Variants in MTHFD2L observed in about 807,000 individuals in gnomAD.
The protein encoded by MTHFD2L is methylenetetrahydrofolate dehydrogenase (NADP+ dependent) 2 like, also known as bifunctional methylenetetrahydrofolate dehydrogenase/cyclohydrolase 2, mitochondrial.
MTHFD2L carries 29 observed loss-of-function variants against 34.9 expected under a neutral mutation model. The observed-to-expected ratio is 0.83, with a 90% CI of 0.62 to 1.13. The LOEUF (loss-of-function observed/expected upper bound fraction) is 1.13. Among genes scored for constraint, MTHFD2L ranks in the 50% most tolerant of loss-of-function variants. The pLI, the probability that MTHFD2L is intolerant of heterozygous loss-of-function variation, is 0.00. For missense variants in MTHFD2L, 481 were observed against 446.5 expected (o/e 1.08, Z -0.70); for synonymous variants, 167 against 155.7 (o/e 1.07, Z -0.54).
At chr4:74,121,800 C>G (rs1721777992), upstream of MTHFD2L, among the ~76,000 whole-genome samples, 1 of 150,932 alleles carries the variant, frequency 6.6e-6, no homozygotes, top group Non-Finnish European at 1.5e-5. Flanking sequence ...CTTGAATTAT[C>G]CCTAAAGCAT....
intron 6 of MTHFD2L, among the ~76,000 whole-genome samples, chr4:74,228,887 C>T (rs1739595116): frequency 6.6e-6 from 1 of 152,162 alleles, no homozygotes; most frequent in Non-Finnish European, 1.5e-5. Flanking sequence ...TATTTTCTTA[C>T]CACCAGAGGG....
At chr4:74,141,875 T>C (rs1397924244) in intron 1 of MTHFD2L, among the ~76,000 whole-genome samples, 1 of 152,192 alleles carries the variant, frequency 6.6e-6, no homozygotes, top group Admixed American at 6.5e-5. Flanking sequence ...CCATTATAGC[T>C]TAATTAGGAA....
chr4:74,125,711 T>C (rs558603953), intron 1 of MTHFD2L, among the ~76,000 whole-genome samples: 1 of 152,196 alleles, frequency 6.6e-6, no homozygotes, highest in Non-Finnish European at 1.5e-5. Flanking sequence ...GCTTTTTTAA[T>C]AATGGAAAAT....
chr4:74,122,214 G>T (rs1041380766), upstream of MTHFD2L, among the ~76,000 whole-genome samples: 1 of 152,128 alleles, frequency 6.6e-6, no homozygotes, highest in African/African-American at 2.4e-5. Context: ...ACTACCTGAG[G>T]CTGGGTAATT....
At chr4:74,175,487 G>A in intron 3 of MTHFD2L, 84 bp downstream of exon 3, 2 of 1,341,458 alleles carry the variant, frequency 1.5e-6, no homozygotes, top group Non-Finnish European at 2.0e-6. Flanking sequence ...GATACTGCAA[G>A]TAATTTATAA....
intron 1 of MTHFD2L, chr4:74,143,493 T>C (rs1419661525): frequency 5.2e-6 from 5 of 957,678 alleles, no homozygotes; most frequent in Non-Finnish European, 6.2e-6. Context: ...TCAGGGGCCA[T>C]GGATGGAAGG....
chr4:74,280,062 A>T (rs4694667), intron 6 of MTHFD2L, among the ~76,000 whole-genome samples: 2 of 152,124 alleles, frequency 1.3e-5, no homozygotes, highest in African/African-American at 4.8e-5. Flanking sequence ...CTTTTCCTGC[A>T]AGAGATCTAG....
intron 6 of MTHFD2L, among the ~76,000 whole-genome samples, chr4:74,229,122 T>C (rs1286980344): frequency 6.6e-6 from 1 of 152,150 alleles, no homozygotes; most frequent in Admixed American, 6.5e-5. Context: ...ATTTAGCCAA[T>C]GGGAAATTTA....
intron 1 of MTHFD2L, among the ~76,000 whole-genome samples, chr4:74,127,349 C>A (rs1476262663): frequency 6.6e-6 from 1 of 152,146 alleles, no homozygotes; most frequent in Non-Finnish European, 1.5e-5. Flanking sequence ...TGTCTTATTT[C>A]TTTCAATTAA....
chr4:74,180,591 G>A, intron 3 of MTHFD2L: 1 of 318,522 alleles, frequency 3.1e-6, no homozygotes, highest in Non-Finnish European at 7.1e-6. Context: ...GAGTTTCCAT[G>A]CATCTCATTT....
intron 1 of MTHFD2L, among the ~76,000 whole-genome samples, chr4:74,144,628 ATACTT>A (rs1723475575): frequency 6.6e-6 from 1 of 152,100 alleles, no homozygotes; most frequent in South Asian, 2.1e-4. Flanking sequence ...AATCTGGAAA[ATACTT>A]TACTATTTTT....
chr4:74,258,555 G>A (rs1253214952), intron 6 of MTHFD2L, among the ~76,000 whole-genome samples: 1 of 152,056 alleles, frequency 6.6e-6, no homozygotes, highest in Admixed American at 6.6e-5. Flanking sequence ...AGTTTTTCAG[G>A]ACTAACTGCA....
intron 6 of MTHFD2L, among the ~76,000 whole-genome samples, chr4:74,242,820 T>C (rs541467873): frequency 6.6e-6 from 1 of 152,344 alleles, no homozygotes; most frequent in South Asian, 2.1e-4. Flanking sequence ...TCTCTTTTCC[T>C]TGGCAGTACT....
intron 7 of MTHFD2L, among the ~76,000 whole-genome samples, chr4:74,294,104 A>G (rs1749335753): frequency 6.6e-6 from 1 of 152,144 alleles, no homozygotes; most frequent in Non-Finnish European, 1.5e-5. Context: ...AGTGAAACAG[A>G]CAAAATAGAA....
At chr4:74,219,178 G>C (rs911983143) in intron 5 of MTHFD2L, among the ~76,000 whole-genome samples, 2 of 152,148 alleles carry the variant, frequency 1.3e-5, no homozygotes, top group Admixed American at 6.6e-5. Context: ...CTGCCAGTGC[G>C]GCAGGTGCCC....
At chr4:74,289,282 A>G (rs1748586055) in intron 7 of MTHFD2L, among the ~76,000 whole-genome samples, 2 of 152,202 alleles carry the variant, frequency 1.3e-5, no homozygotes, top group South Asian at 4.1e-4. Context: ...GCTAACCTGA[A>G]TAAATGAAGA....
chr4:74,281,493 T>C lies in MTHFD2L; in HGVS notation c.874T>C (p.Tyr292His), dbSNP rs1444462702. 1 of 1,612,614 alleles carries C rather than the reference T, an allele frequency of 6.2e-7. No homozygotes were observed. The highest frequency in any genetic ancestry group is 1.3e-5 in the African/African-American group (1 of 74,824). Residue 292 changes from tyrosine to histidine, a missense_variant, in exon 7 of 8, where the codon TAT becomes CAT. Tyr to His is a moderately conservative substitution (Grantham distance 83, BLOSUM62 2). Coordinates refer to ENST00000325278, the MANE Select transcript of MTHFD2L (RefSeq NM_001144978.3). ...GAAVIDVGIN[Y>H]VHDPVTGKTK... is the part of the protein sequence containing the mutation. ...TGCTGTAATTGATGTGGGTATCAAC[T>C]ATGTCCACGATCCAGTGACAGGAAA...
intron 6 of MTHFD2L, among the ~76,000 whole-genome samples, chr4:74,231,638 C>G (rs1028619246): frequency 1.3e-5 from 2 of 152,118 alleles, no homozygotes; most frequent in African/African-American, 4.8e-5. Context: ...AATGCACAGG[C>G]CTTTCTAAAG....
Position 74,199,898 on chromosome 4 carries a change from C to T in MTHFD2L, c.556C>T (p.Leu186Phe), listed in dbSNP as rs934825729. Residue 186 changes from leucine to phenylalanine, a missense_variant, in exon 4 of 8, where the codon CTC becomes TTC. By Grantham distance (22) the Leu-to-Phe change is conservative. Coordinates refer to ENST00000325278, the MANE Select transcript of MTHFD2L (RefSeq NM_001144978.3). ...AAGATTGTGCCTTGATCAGCATTCT[C>T]TCATACCTGCCACTGCCAGTGCTGT... ...IGRLCLDQHS[L>F]IPATASAVWE... is the part of the protein sequence containing the mutation. The T allele has an allele frequency of 6.2e-7, 1 of 1,614,014 alleles. No individual in the cohort carries two copies.
Sources: gnomAD v4.1 joint callset for allele counts (sites outside exome capture counted in the v4.1 genomes callset) on GRCh38, gnomAD v4.1.1 for gene constraint, MANE v1.5 for transcripts, NCBI Gene and HGNC (gene_info 2026-07-23, HGNC 2026-07-21) for gene names.